OSBPL8: variants seen among roughly 807,000 people sequenced by gnomAD.
OSBPL8 encodes the protein oxysterol binding protein like 8, also known as oxysterol-binding protein-related protein 8.
A neutral mutation model predicts 125.5 loss-of-function variants in OSBPL8; 59 were observed. The ratio of observed to expected loss-of-function variants is 0.47; its 90% CI spans 0.38 to 0.58. The LOEUF (loss-of-function observed/expected upper bound fraction) is 0.58. OSBPL8 is among the 20% of genes least tolerant of loss of function. The pLI, the probability that OSBPL8 is intolerant of heterozygous loss-of-function variation, is 0.00. For missense variants in OSBPL8, 758 were observed against 1,047.8 expected (o/e 0.72, Z 3.82); for synonymous variants, 330 against 338.9 (o/e 0.97, Z 0.29).
chr12:76,439,314 G>C (rs1056361335), intron 4 of OSBPL8, among the ~76,000 whole-genome samples: 1 of 152,116 alleles, frequency 6.6e-6, no homozygotes, highest in African/African-American at 2.4e-5. Flanking sequence ...AGGAGGCGGA[G>C]GTTGCAGTGA....
At chr12:76,390,216 T>A (rs1953500192) in intron 11 of OSBPL8, 3 of 465,212 alleles carry the variant, frequency 6.4e-6, no homozygotes, top group Non-Finnish European at 1.1e-5. Context: ...ACTTTAAATT[T>A]AATAGAATAT....
At chr12:76,543,527 T>C (rs370586758) in intron 1 of OSBPL8, among the ~76,000 whole-genome samples, 13 of 152,190 alleles carry the variant, frequency 8.5e-5, no homozygotes, top group East Asian at 7.7e-4. Flanking sequence ...AATTAGGAGT[T>C]TACTGTCGAT....
At chr12:76,502,891 C>T (rs1880046394) in intron 1 of OSBPL8, among the ~76,000 whole-genome samples, 1 of 152,156 alleles carries the variant, frequency 6.6e-6, no homozygotes, top group African/African-American at 2.4e-5. Flanking sequence ...TTTATGAATA[C>T]AGTTGTGTAT....
chr12:76,400,113 G>T (rs1953986637), intron 6 of OSBPL8, 139 bp from the exon 7 acceptor site: 5 of 648,210 alleles, frequency 7.7e-6, no homozygotes, highest in Admixed American at 3.1e-5. Context: ...TTATCATTCA[G>T]GTATTAAGCC....
At chr12:76,451,148 C>T (rs1359880688) in intron 3 of OSBPL8, among the ~76,000 whole-genome samples, 160 bp from the exon 4 acceptor site, 16 of 152,132 alleles carry the variant, frequency 1.1e-4, no homozygotes, top group Non-Finnish European at 2.1e-4. Flanking sequence ...ATCTTGTTTT[C>T]ATGTTGGTTT....
At chr12:76,376,850 C>T (rs1390198514) in intron 16 of OSBPL8, among the ~76,000 whole-genome samples, 2 of 151,980 alleles carry the variant, frequency 1.3e-5, no homozygotes, top group African/African-American at 2.4e-5. Context: ...TAGGTATACA[C>T]GTGCCATGGT....
intron 4 of OSBPL8, among the ~76,000 whole-genome samples, chr12:76,422,272 T>C (rs919442308): frequency 3.0e-4 from 45 of 152,238 alleles, no homozygotes; most frequent in African/African-American, 7.7e-4. Flanking sequence ...AGCAAAAATT[T>C]ATGCCGTAAG....
At chr12:76,482,121 A>T (rs1877564823) in intron 2 of OSBPL8, among the ~76,000 whole-genome samples, 1 of 152,212 alleles carries the variant, frequency 6.6e-6, no homozygotes, top group South Asian at 2.1e-4. Flanking sequence ...CAAGGTACCC[A>T]ACCTGAATTA....
intron 5 of OSBPL8, among the ~76,000 whole-genome samples, chr12:76,408,143 TAAA>T (rs376221340): frequency 6.6e-4 from 61 of 92,018 alleles, no homozygotes; most frequent in African/African-American, 2.5e-3. Context: ...CCTCATCTCT[TAAA>T]AAAAAAAAAA....
At position 76,427,628 on chromosome 12, in the gene OSBPL8, A is replaced by G. The variant is rs187917532; in HGVS notation, c.218-16994T>C. On this transcript the variant is annotated intron_variant, in intron 4 of 23. Transcript: ENST00000261183. ...CTAAAAAGCTAAAGATGTATTTTTA[A>G]AACATTATATATACCTTTGTGATTT... Among the ~76,000 whole-genome samples, 87 of 152,200 alleles carry G rather than the reference A, an allele frequency of 5.7e-4. 2 individuals are homozygous for G. The highest frequency in any genetic ancestry group is 2.1e-3 in the African/African-American group (86 of 41,564).
At chr12:76,473,027 G>A (rs576295388) in intron 2 of OSBPL8, among the ~76,000 whole-genome samples, 10 of 152,176 alleles carry the variant, frequency 6.6e-5, no homozygotes, top group African/African-American at 1.9e-4. Flanking sequence ...GGCAACGGGC[G>A]TCTTTCCAGA....
At chr12:76,503,440 T>C (rs761358452) in intron 1 of OSBPL8, among the ~76,000 whole-genome samples, 1 of 152,224 alleles carries the variant, frequency 6.6e-6, no homozygotes, top group Non-Finnish European at 1.5e-5. Flanking sequence ...AACTATCTCA[T>C]TAAAGACCCT....
intron 9 of OSBPL8, among the ~76,000 whole-genome samples, chr12:76,394,376 C>T (rs989487259): frequency 4.0e-5 from 6 of 151,800 alleles, no homozygotes; most frequent in African/African-American, 1.5e-4. Flanking sequence ...AGACCACTAA[C>T]AAATAAAAAG....
chr12:76,429,558 G>A (rs1164165137), intron 4 of OSBPL8, among the ~76,000 whole-genome samples: 1 of 151,976 alleles, frequency 6.6e-6, no homozygotes, highest in Non-Finnish European at 1.5e-5. Context: ...AACTAAAAAT[G>A]TACTAAACTA....
chr12:76,409,844 G>T (rs1390717189), intron 5 of OSBPL8, among the ~76,000 whole-genome samples: 1 of 152,112 alleles, frequency 6.6e-6, no homozygotes, highest in Non-Finnish European at 1.5e-5. Context: ...GAATAACAGA[G>T]AATTCAGTCT....
chr12:76,532,730 GCCAGA>G (rs140118428), intron 1 of OSBPL8, among the ~76,000 whole-genome samples: 6,164 of 151,236 alleles, frequency 0.041, 407 homozygotes, highest in African/African-American at 0.14. Context: ...AAAAAAAAGA[GCCAGA>G]CCAATCAGTC....
intron 1 of OSBPL8, among the ~76,000 whole-genome samples, chr12:76,520,584 CCAAA>C (rs1409104283): frequency 3.9e-5 from 6 of 152,112 alleles, no homozygotes; most frequent in Admixed American, 6.5e-5. Flanking sequence ...TGGCAGTTAG[CCAAA>C]CAAAGTATGG....
chr12:76,398,592 T>C (rs1397497578), intron 7 of OSBPL8, among the ~76,000 whole-genome samples: 1 of 152,182 alleles, frequency 6.6e-6, no homozygotes, highest in African/African-American at 2.4e-5. Context: ...ATTAAAATGG[T>C]GTCTATGCAA....
At chr12:76,367,673 G>A (rs1053325130) in intron 21 of OSBPL8, among the ~76,000 whole-genome samples, 1 of 151,900 alleles carries the variant, frequency 6.6e-6, no homozygotes, top group Admixed American at 6.6e-5. Context: ...TGCTTCCTGT[G>A]TAAACTGTTT....
Sources: allele counts gnomAD v4.1 joint callset (sites outside exome capture counted in the v4.1 genomes callset), GRCh38; gene constraint gnomAD v4.1.1; transcripts MANE v1.5; gene names NCBI Gene and HGNC (gene_info 2026-07-23, HGNC 2026-07-21).